SAMD12: variants seen among roughly 807,000 people sequenced by gnomAD.
SAMD12 encodes the protein sterile alpha motif domain-containing protein 12.
A neutral mutation model predicts 15.0 loss-of-function variants in SAMD12; 9 were observed. That is an observed-to-expected ratio of 0.60 (90% confidence interval 0.36 to 1.05). SAMD12 has a LOEUF of 1.05. SAMD12 is among the 50% of genes least tolerant of loss of function. SAMD12 has a pLI of 0.01. For missense variants in SAMD12, 230 were observed against 234.2 expected (o/e 0.98, Z 0.12); for synonymous variants, 86 against 90.1 (o/e 0.96, Z 0.25).
chr8:118,311,259 C>T (rs1333163582), intron 4 of SAMD12, among the ~76,000 whole-genome samples: 2 of 152,182 alleles, frequency 1.3e-5, no homozygotes, highest in South Asian at 2.1e-4. Context: ...AAAAATGAAA[C>T]TTGGGTTAGG....
At chr8:118,140,070 G>A in the SAMD12 span, among the ~76,000 whole-genome samples, 1 of 152,300 alleles carries the variant, frequency 6.6e-6, no homozygotes, top group South Asian at 2.1e-4. Flanking sequence ...TCCCTAGGGT[G>A]AAGCACAGAG....
intron 4 of SAMD12, among the ~76,000 whole-genome samples, chr8:118,365,629 T>C (rs1312090358): frequency 1.3e-5 from 2 of 151,994 alleles, no homozygotes; most frequent in Admixed American, 1.3e-4. Context: ...TCCCGGTTCT[T>C]CCGCTTGTAG....
At chr8:118,499,319 C>G (rs1020847139) in intron 2 of SAMD12, among the ~76,000 whole-genome samples, 7 of 152,146 alleles carry the variant, frequency 4.6e-5, no homozygotes, top group African/African-American at 1.7e-4. Context: ...CTTCTACAGG[C>G]ACAGAGGGAG....
At chr8:118,340,699 G>C (rs1817313602) in intron 4 of SAMD12, among the ~76,000 whole-genome samples, 2 of 152,152 alleles carry the variant, frequency 1.3e-5, no homozygotes, top group South Asian at 4.1e-4. Flanking sequence ...AACCCGGGAG[G>C]TGGAGGTTGC....
At chr8:118,613,309 TA>T (rs1399151114) in intron 1 of SAMD12, among the ~76,000 whole-genome samples, 4 of 152,168 alleles carry the variant, frequency 2.6e-5, no homozygotes, top group African/African-American at 9.7e-5. Context: ...GTTTCAAAAT[TA>T]ATAGTGAGTT....
chr8:118,176,103 C>G, the SAMD12 span, among the ~76,000 whole-genome samples: 1 of 152,120 alleles, frequency 6.6e-6, no homozygotes, highest in Admixed American at 6.5e-5. Context: ...AGATCGAGAC[C>G]ATCCTGGCTA....
At chr8:118,531,457 C>A (rs902969574) in intron 2 of SAMD12, among the ~76,000 whole-genome samples, 1 of 152,056 alleles carries the variant, frequency 6.6e-6, no homozygotes, top group Non-Finnish European at 1.5e-5. Context: ...TTTTCCAATT[C>A]TGTGAAGAAA....
chr8:118,235,798 C>A (rs1341162070), intron 4 of SAMD12, among the ~76,000 whole-genome samples: 2 of 152,168 alleles, frequency 1.3e-5, no homozygotes, highest in African/African-American at 4.8e-5. Context: ...CCAGTATTCA[C>A]AGCTCACTTG....
intron 2 of SAMD12, among the ~76,000 whole-genome samples, chr8:118,453,262 A>T (rs1823137825): frequency 6.6e-6 from 1 of 152,140 alleles, no homozygotes; most frequent in Non-Finnish European, 1.5e-5. Context: ...GTCACAGGTA[A>T]AAAAATCAAT....
At chr8:118,620,519 G>T (rs1001047716) in intron 1 of SAMD12, among the ~76,000 whole-genome samples, 4 of 150,898 alleles carry the variant, frequency 2.7e-5, no homozygotes. Flanking sequence ...TGTTAATAAA[G>T]TTAGGAAAGC....
chr8:118,242,983 C>T (rs1043608802), intron 4 of SAMD12, among the ~76,000 whole-genome samples: 1 of 152,150 alleles, frequency 6.6e-6, no homozygotes, highest in East Asian at 1.9e-4. Context: ...GAGGCCCTCA[C>T]CTGCTCTATG....
At chr8:118,159,672 A>C in the SAMD12 span, among the ~76,000 whole-genome samples, 1 of 151,902 alleles carries the variant, frequency 6.6e-6, no homozygotes, top group Non-Finnish European at 1.5e-5. Flanking sequence ...TTAATCCTAG[A>C]TAAAGTGCTT....
chr8:118,247,470 T>C (rs1043726563), intron 4 of SAMD12, among the ~76,000 whole-genome samples: 1 of 152,130 alleles, frequency 6.6e-6, no homozygotes, highest in African/African-American at 2.4e-5. Context: ...ATATGTTAAT[T>C]AGTCTGATTT....
chr8:118,439,996 C>A (rs370975769), intron 2 of SAMD12, 35 bp from the exon 3 acceptor site: 344 of 1,609,912 alleles, frequency 2.1e-4, no homozygotes, highest in Non-Finnish European at 2.8e-4. Context: ...TCAATGCTGG[C>A]CCCATGCCTA....
At chr8:118,331,483 T>C (rs1586543165) in intron 4 of SAMD12, among the ~76,000 whole-genome samples, 1 of 152,192 alleles carries the variant, frequency 6.6e-6, no homozygotes, top group East Asian at 1.9e-4. Context: ...GAAAACAAGA[T>C]ACCAATGACA....
chr8:118,163,775 T>C, the SAMD12 span, among the ~76,000 whole-genome samples: 1 of 152,078 alleles, frequency 6.6e-6, no homozygotes, highest in Non-Finnish European at 1.5e-5. Context: ...CTCAGGAGGC[T>C]GAGGCGGGAG....
chr8:118,371,780 T>C (rs1366423233), intron 4 of SAMD12, among the ~76,000 whole-genome samples: 1 of 152,130 alleles, frequency 6.6e-6, no homozygotes, highest in East Asian at 1.9e-4. Flanking sequence ...TAGGGGATGC[T>C]TAAGCGGTAG....
chr8:118,308,115 T>C (rs1407889024), intron 4 of SAMD12, among the ~76,000 whole-genome samples: 2 of 152,224 alleles, frequency 1.3e-5, no homozygotes, highest in East Asian at 1.9e-4. Context: ...TGCTAACCTT[T>C]TGTTTCTCTA....
At chr8:118,471,116 G>T (rs532837181) in intron 2 of SAMD12, among the ~76,000 whole-genome samples, 6 of 152,218 alleles carry the variant, frequency 3.9e-5, no homozygotes, top group Non-Finnish European at 2.9e-5. Flanking sequence ...TAATAATAAA[G>T]CATGATTTTC....
Sources: gnomAD v4.1 joint callset for allele counts (sites outside exome capture counted in the v4.1 genomes callset) on GRCh38, gnomAD v4.1.1 for gene constraint, MANE v1.5 for transcripts, NCBI Gene and HGNC (gene_info 2026-07-23, HGNC 2026-07-21) for gene names.